Variants in ZDHHC13 observed in about 807,000 individuals in gnomAD.
ZDHHC13 encodes the protein palmitoyltransferase ZDHHC13.
In ZDHHC13, 85 loss-of-function variants were observed where a neutral mutation model predicts 86.0. The ratio of observed to expected loss-of-function variants is 0.99; its 90% CI spans 0.83 to 1.18. ZDHHC13 has a LOEUF of 1.18. ZDHHC13 is among the 50% of genes most tolerant of loss of function. ZDHHC13 has a pLI of 0.00. For missense variants in ZDHHC13, 711 were observed against 730.2 expected, an observed-to-expected ratio of 0.97 and a Z score of 0.30; for synonymous variants, 263 against 246.4, an observed-to-expected ratio of 1.07 and a Z score of -0.63.
At chr11:19,146,559 T>C (rs1212039523) in intron 3 of ZDHHC13, among the ~76,000 whole-genome samples, 44 of 152,136 alleles carry the variant, frequency 2.9e-4, no homozygotes. Context: ...AAAGTGAACA[T>C]TTTTTAAAAA....
chr11:19,125,238 A>G (rs530993293), intron 1 of ZDHHC13, among the ~76,000 whole-genome samples: 31 of 152,352 alleles, frequency 2.0e-4, no homozygotes, highest in African/African-American at 7.5e-4. Flanking sequence ...AAAGACTTGT[A>G]TCTAGAATAT....
chr11:19,132,077 G>T (rs373478487), intron 1 of ZDHHC13, among the ~76,000 whole-genome samples: 2 of 152,060 alleles, frequency 1.3e-5, no homozygotes, highest in South Asian at 4.2e-4. Flanking sequence ...TTCAAGATCT[G>T]GTTCTTTTCT....
At chr11:19,151,761 A>T (rs1849613919) in intron 6 of ZDHHC13, among the ~76,000 whole-genome samples, 1 of 152,054 alleles carries the variant, frequency 6.6e-6, no homozygotes, top group Admixed American at 6.6e-5. Flanking sequence ...TTTGATGGAG[A>T]GTATGAAGTT....
intron 1 of ZDHHC13, among the ~76,000 whole-genome samples, chr11:19,133,783 A>G (rs1474559949): frequency 6.6e-6 from 1 of 151,710 alleles, no homozygotes; most frequent in African/African-American, 2.4e-5. Context: ...CTGTTCTTTT[A>G]GTGTGGGGAT....
intron 1 of ZDHHC13, among the ~76,000 whole-genome samples, chr11:19,133,166 A>G (rs1463522006): frequency 6.6e-6 from 1 of 152,216 alleles, no homozygotes; most frequent in African/African-American, 2.4e-5. Context: ...ATATGTTTAC[A>G]CATTCATCAG....
At chr11:19,139,976 A>T (rs1289385783) in intron 1 of ZDHHC13, among the ~76,000 whole-genome samples, 1 of 149,136 alleles carries the variant, frequency 6.7e-6, no homozygotes, top group African/African-American at 2.5e-5. Flanking sequence ...AAGAAAACCT[A>T]GGCATTACCA....
At chr11:19,158,905 A>G in intron 9 of ZDHHC13, 35 bp from the exon 10 acceptor site, 1 of 1,369,192 alleles carries the variant, frequency 7.3e-7, no homozygotes, top group Non-Finnish European at 9.9e-7. Context: ...AATACAAGTC[A>G]TACTAATAAC....
chr11:19,160,949 A>G (rs915435175), intron 10 of ZDHHC13, among the ~76,000 whole-genome samples: 1 of 152,024 alleles, frequency 6.6e-6, no homozygotes, highest in Non-Finnish European at 1.5e-5. Flanking sequence ...GTTGGAATCA[A>G]CAAGATGGAT....
Position 19,172,715 on chromosome 11 carries a change from T to G in ZDHHC13, c.1633-8T>G. 1 of 1,584,784 alleles carries G rather than the reference T, an allele frequency of 6.3e-7. No homozygotes were observed. The highest frequency in any genetic ancestry group is 1.8e-5 in the Admixed American group (1 of 55,420). ...GAATGTGTGCAACCTTCCACCCTTCTTTTTCAGATTGCCTTTCTGGGCCTG... is the reference window on the plus strand; with the variant it reads ...GAATGTGTGCAACCTTCCACCCTTCGTTTTCAGATTGCCTTTCTGGGCCTG... On this transcript the variant is annotated splice_polypyrimidine_tract_variant and splice_region_variant and intron_variant, in intron 15 of 16. Transcript: ENST00000446113.
chr11:19,129,256 T>C lies in ZDHHC13; in HGVS notation c.27+11980T>C, dbSNP rs115966606. On this transcript the variant is annotated intron_variant, in intron 1 of 16. Coordinates refer to ENST00000446113, the MANE Select transcript of ZDHHC13 (RefSeq NM_019028.3). ...GTATGCATTTTTATTCTTTTTCCTA[T>C]TTTATTATGCTGTCTGGTACTTTAG... Among the ~76,000 whole-genome samples the C allele has an allele frequency of 6.8e-3, 1,043 of 152,324 alleles. 9 individuals carry two copies. The highest frequency in any genetic ancestry group is 0.024 in the African/African-American group (984 of 41,566).
At chr11:19,128,121 T>C (rs891052026) in intron 1 of ZDHHC13, among the ~76,000 whole-genome samples, 1 of 152,200 alleles carries the variant, frequency 6.6e-6, no homozygotes, top group African/African-American at 2.4e-5. Flanking sequence ...TCTTCTCTGA[T>C]TTCTTTGAGC....
intron 1 of ZDHHC13, among the ~76,000 whole-genome samples, chr11:19,131,822 C>T (rs867602160): frequency 7.2e-5 from 11 of 152,122 alleles, no homozygotes; most frequent in South Asian, 2.1e-4. Flanking sequence ...TTAGTAGAGA[C>T]GGGGTTTCAC....
chr11:19,134,727 G>A (rs1328434442), intron 1 of ZDHHC13, among the ~76,000 whole-genome samples: 1 of 152,078 alleles, frequency 6.6e-6, no homozygotes, highest in Non-Finnish European at 1.5e-5. Context: ...GGCAAGGGGA[G>A]GGATAGCATT....
chr11:19,164,279 G>C, intron 11 of ZDHHC13, 22 bp from the exon 12 acceptor site: 4 of 1,611,880 alleles, frequency 2.5e-6, no homozygotes, highest in Non-Finnish European at 3.4e-6. Context: ...TGTGGTAATA[G>C]GTCAAACTTC....
chr11:19,143,097 T>C lies in ZDHHC13; in HGVS notation c.147T>C (p.Ser49=), dbSNP rs891705502. The C allele has an allele frequency of 8.1e-6, 13 of 1,612,928 alleles. 1 individual carries two copies. Among genetic ancestry groups the C allele is most frequent in the Admixed American group, 5.0e-5 (3 of 59,932 alleles). ...CTCTTCCTCTTATAGAGGACTCTAG[T>C]AACTGTGACATTGTCAAAGCTACTC... The part of the protein sequence containing the change: ...REALPLIEDS[S]NCDIVKATQY... The change falls in exon 2 of 17, where the codon AGT becomes AGC. Residue 49 remains serine (S), a synonymous_variant. Coordinates refer to ENST00000446113, the MANE Select transcript of ZDHHC13 (RefSeq NM_019028.3).
rs761029919 is a variant in ZDHHC13 at position 19,163,286 on chromosome 11, C to T, written c.1109-17C>T. The T allele has an allele frequency of 6.4e-7, 1 of 1,567,584 alleles. No homozygotes were observed. ...TTTTTAAAGGAAGTTTGGTGTATTC[C>T]TTAACTTGGCTTTAACATTTAGCAG... On this transcript the variant is annotated splice_polypyrimidine_tract_variant and intron_variant, in intron 10 of 16. Transcript: ENST00000446113.
chr11:19,136,506 A>G (rs551453672), intron 1 of ZDHHC13, among the ~76,000 whole-genome samples: 20 of 152,362 alleles, frequency 1.3e-4, no homozygotes, highest in African/African-American at 3.8e-4. Flanking sequence ...TCTGCAGGCT[A>G]TTATCCAGGA....
intron 9 of ZDHHC13, among the ~76,000 whole-genome samples, chr11:19,156,418 T>C (rs900530254): frequency 1.3e-5 from 2 of 152,184 alleles, no homozygotes; most frequent in Non-Finnish European, 2.9e-5. Flanking sequence ...TACATGATTA[T>C]ATATAGTTAA....
In ZDHHC13 at chr11:19,150,774, A is replaced by G. The variant is rs1310080161; in HGVS notation, c.567A>G (p.Ser189=). 1 of 1,610,586 alleles carries G rather than the reference A, an allele frequency of 6.2e-7. No individual in the cohort carries two copies. Among genetic ancestry groups the G allele is most frequent in the Non-Finnish European group, 8.5e-7 (1 of 1,177,580 alleles). ...DVNGQTPLML[S]AHKVIGPEPT... ...ATGGGCAGACACCTCTCATGTTATC[A>G]GCTCACAAAGTAATTGGGTGAGTTT... is the stretch of plus-strand genomic sequence containing the variant. Residue 189 remains serine (S), a synonymous_variant, in exon 6 of 17, where the codon TCA becomes TCG. Transcript: ENST00000446113.
Sources: allele counts gnomAD v4.1 joint callset (sites outside exome capture counted in the v4.1 genomes callset), GRCh38; gene constraint gnomAD v4.1.1; transcripts MANE v1.5; gene names NCBI Gene and HGNC (gene_info 2026-07-23, HGNC 2026-07-21).